Variants in DNAJC3 observed in about 807,000 individuals in gnomAD.
The protein encoded by DNAJC3 is DnaJ heat shock protein family (Hsp40) member C3.
A neutral mutation model predicts 68.6 loss-of-function variants in DNAJC3; 38 were observed. The observed-to-expected ratio is 0.55, with a 90% CI of 0.43 to 0.73. The LOEUF is 0.73. Among genes scored for constraint, DNAJC3 ranks in the 30% least tolerant of loss-of-function variants. The probability of loss-of-function intolerance (pLI) is 0.00; values close to 1 mark genes in which losing one functional copy is unlikely to be tolerated. For synonymous variants in DNAJC3, 203 were observed against 204.0 expected, an observed-to-expected ratio of 1.00 and a Z score of 0.04; for missense variants, 526 against 591.9, an observed-to-expected ratio of 0.89 and a Z score of 1.16.
At chr13:95,741,220 G>A (rs1162681606) in intron 4 of DNAJC3, among the ~76,000 whole-genome samples, 1 of 152,180 alleles carries the variant, frequency 6.6e-6, no homozygotes, top group East Asian at 1.9e-4. Flanking sequence ...TTTTGTAGGA[G>A]AGGACTTTTT....
intron 1 of DNAJC3, among the ~76,000 whole-genome samples, chr13:95,691,387 C>A (rs928492091): frequency 5.3e-5 from 8 of 150,872 alleles, no homozygotes; most frequent in Non-Finnish European, 1.2e-4. Context: ...ACGGGGCGGC[C>A]GGGCAGAGAC....
rs58339815 is a variant in DNAJC3 at position 95,771,704 on chromosome 13, T to C, written c.1075+7751T>C. On this transcript the variant is annotated intron_variant, in intron 9 of 11. Transcript: ENST00000602402. ...TCAGAGGAGCTGACCAAATTTCTGG[T>C]CAAAGGAGACAATCTTTGTTTAACC... Among the ~76,000 whole-genome samples, 1,289 of 152,212 alleles carry C rather than the reference T, an allele frequency of 8.5e-3. 17 individuals carry two copies. The highest frequency in any genetic ancestry group is 0.029 in the African/African-American group (1,224 of 41,522).
At chr13:95,711,189 A>G (rs566288211) in intron 2 of DNAJC3, among the ~76,000 whole-genome samples, 20 of 152,254 alleles carry the variant, frequency 1.3e-4, no homozygotes, top group African/African-American at 4.3e-4. Flanking sequence ...TAGGAAACAT[A>G]TTTTTTTGAT....
intron 7 of DNAJC3, among the ~76,000 whole-genome samples, chr13:95,762,271 A>T (rs1372151072): frequency 6.6e-6 from 1 of 152,000 alleles, no homozygotes; most frequent in Non-Finnish European, 1.5e-5. Flanking sequence ...TCTAAAAAAA[A>T]TGTTTTCTGT....
chr13:95,775,488 T>C (rs1478999182), intron 9 of DNAJC3, among the ~76,000 whole-genome samples: 1 of 152,222 alleles, frequency 6.6e-6, no homozygotes, highest in African/African-American at 2.4e-5. Flanking sequence ...AAATAAGTTT[T>C]AATATACCCA....
chr13:95,701,703 A>G (rs1239779634), intron 1 of DNAJC3, among the ~76,000 whole-genome samples: 1 of 152,200 alleles, frequency 6.6e-6, no homozygotes, highest in Non-Finnish European at 1.5e-5. Flanking sequence ...ATGAAGATAA[A>G]AAATTATTTT....
chr13:95,723,528 A>G (rs1881412056), intron 3 of DNAJC3, among the ~76,000 whole-genome samples, 162 bp downstream of exon 3: 1 of 152,220 alleles, frequency 6.6e-6, no homozygotes, highest in African/African-American at 2.4e-5. Context: ...AGTCCCTAGA[A>G]TCAAAGATCT....
intron 1 of DNAJC3, among the ~76,000 whole-genome samples, chr13:95,705,994 G>A (rs781547281): frequency 4.5e-4 from 69 of 152,108 alleles, no homozygotes; most frequent in Admixed American, 9.8e-4. Context: ...TTATGCTAGG[G>A]AAACTTTGGA....
chr13:95,751,638 C>A (rs1388821611), intron 4 of DNAJC3, among the ~76,000 whole-genome samples: 2 of 152,174 alleles, frequency 1.3e-5, no homozygotes, highest in African/African-American at 4.8e-5. Flanking sequence ...TTAAAAACTA[C>A]AAGATGGCAC....
At chr13:95,750,646 A>AT (rs1190799402) in intron 4 of DNAJC3, among the ~76,000 whole-genome samples, 1 of 151,686 alleles carries the variant, frequency 6.6e-6, no homozygotes, top group Non-Finnish European at 1.5e-5. Flanking sequence ...AGTAGCTGGG[A>AT]TTACAGACCT....
intron 1 of DNAJC3, 35 bp from the exon 2 acceptor site, chr13:95,709,192 G>C (rs759157350): frequency 7.1e-7 from 1 of 1,418,066 alleles, no homozygotes; most frequent in Non-Finnish European, 9.5e-7. Context: ...TTAGTTCGTG[G>C]AAAGTTAACT....
chr13:95,712,675 C>A (rs1228067528), intron 2 of DNAJC3, among the ~76,000 whole-genome samples: 1 of 152,058 alleles, frequency 6.6e-6, no homozygotes, highest in Non-Finnish European at 1.5e-5. Flanking sequence ...CCTGGCCTAG[C>A]CAGTGCAATT....
At chr13:95,697,786 GTTT>G (rs35414850) in intron 1 of DNAJC3, among the ~76,000 whole-genome samples, 2 of 112,298 alleles carry the variant, frequency 1.8e-5, no homozygotes, top group Admixed American at 8.7e-5. Flanking sequence ...CCTTCAAGAA[GTTT>G]TTTTTTTTTT....
At chr13:95,783,933 C>T (rs1883522600) in intron 9 of DNAJC3, among the ~76,000 whole-genome samples, 1 of 152,142 alleles carries the variant, frequency 6.6e-6, no homozygotes, top group Admixed American at 6.5e-5. Flanking sequence ...TCCCAGGTTC[C>T]ATCCAGGAAG....
At chr13:95,742,573 T>G in intron 4 of DNAJC3, 1 of 457,282 alleles carries the variant, frequency 2.2e-6, no homozygotes, top group Non-Finnish European at 4.3e-6. Flanking sequence ...ATTCAGAGCC[T>G]CTTTGGGCTC....
At chr13:95,762,349 C>T (rs894639091) in intron 7 of DNAJC3, among the ~76,000 whole-genome samples, 1 of 152,022 alleles carries the variant, frequency 6.6e-6, no homozygotes, top group African/African-American at 2.4e-5. Context: ...TTGTTATTGT[C>T]GTTCTGTACC....
chr13:95,788,948 A>G (rs910341017), intron 11 of DNAJC3, among the ~76,000 whole-genome samples: 4 of 152,188 alleles, frequency 2.6e-5, no homozygotes, highest in African/African-American at 9.6e-5. Context: ...CCTCAGTTTT[A>G]CTGGTGGGTT....
chr13:95,746,385 TAA>T (rs935664230), intron 4 of DNAJC3, among the ~76,000 whole-genome samples: 7 of 152,204 alleles, frequency 4.6e-5, no homozygotes, highest in African/African-American at 1.7e-4. Context: ...AAAAAAAGTG[TAA>T]AGTGTAGACT....
At chr13:95,767,692 T>G (rs867065142) in intron 9 of DNAJC3, among the ~76,000 whole-genome samples, 34 of 130,996 alleles carry the variant, frequency 2.6e-4, no homozygotes, top group African/African-American at 9.5e-4. Context: ...GTTTTTTGGG[T>G]TTTTTTTTTT....
Sources: gnomAD v4.1 joint callset for allele counts (sites outside exome capture counted in the v4.1 genomes callset) on GRCh38, gnomAD v4.1.1 for gene constraint, MANE v1.5 for transcripts, NCBI Gene and HGNC (gene_info 2026-07-23, HGNC 2026-07-21) for gene names.